Variants in PLEKHA7 observed in about 807,000 individuals in gnomAD.
The protein encoded by PLEKHA7 is pleckstrin homology domain containing A7.
Under a neutral mutation model 170.0 loss-of-function variants are expected in PLEKHA7, and 104 were observed. The observed-to-expected ratio is 0.61, with a 90% confidence interval of 0.52 to 0.72. PLEKHA7 has a LOEUF of 0.72. Ranked by LOEUF, PLEKHA7 falls within the 30% of genes least tolerant of loss-of-function variation. PLEKHA7 has a pLI of 0.00. For synonymous variants in PLEKHA7, 648 were observed against 660.8 expected (o/e 0.98, Z 0.30); for missense variants, 1,615 against 1,671.7 (o/e 0.97, Z 0.59).
rs1336353023 is a variant in PLEKHA7, at chr11:16,803,244, C to A, written c.2059G>T (p.Ala687Ser). The A allele has an allele frequency of 4.3e-6, 7 of 1,613,810 alleles. No individual in the cohort carries two copies. The highest frequency in any genetic ancestry group is 5.1e-6 in the Non-Finnish European group (6 of 1,179,836). ...KDRSLKPVKIAESDTDVKLSI... is the reference protein window; with the variant it reads ...KDRSLKPVKISESDTDVKLSI... ...TCACTCACGTCAGTGTCGCTCTCAG[C>A]GATCTTCACAGGCTTCAGACTTCGA... Residue 687 changes from alanine to serine, a missense_variant, in exon 14 of 27, where the codon GCT becomes TCT. Physicochemically the swap from Ala to Ser is moderately conservative, Grantham distance 99 (BLOSUM62 1). Transcript: ENST00000531066.
intron 3 of PLEKHA7, among the ~76,000 whole-genome samples, chr11:16,966,290 A>ATGTGTGTGTG (rs112176840): frequency 8.7e-5 from 13 of 149,026 alleles, no homozygotes; most frequent in African/African-American, 3.3e-4. Flanking sequence ...TTGTGCATGT[A>ATGTGTGTGTG]TGTGTGTGTG....
chr11:16,867,919 T>C lies in PLEKHA7; in HGVS notation c.305+3180A>G, dbSNP rs75872292. 7.5e-4 allele frequency among the ~76,000 whole-genome samples: 115 copies of C among 152,332 alleles called. 1 individual carries two copies. Among genetic ancestry groups the C allele is most frequent in the African/African-American group, 2.7e-3 (111 of 41,570 alleles). On this transcript the variant is annotated intron_variant, in intron 4 of 26. Transcript: ENST00000531066. ...TCAAGAAAGTCTTTCCCCTCTTTCATCCCTATCATAGTCAATCAATCACCA... is the reference window on the plus strand; with the variant it reads ...TCAAGAAAGTCTTTCCCCTCTTTCACCCCTATCATAGTCAATCAATCACCA...
chr11:16,975,529 T>C (rs549092028), intron 3 of PLEKHA7, among the ~76,000 whole-genome samples: 1 of 152,310 alleles, frequency 6.6e-6, no homozygotes, highest in Admixed American at 6.5e-5. Flanking sequence ...CCCATGGATA[T>C]GGAGGCCAAC....
At position 16,872,038 on chromosome 11, in the gene PLEKHA7, G is replaced by A. The variant is rs183817221; in HGVS notation, c.222-856C>T. Among the ~76,000 whole-genome samples, 55 of 147,206 alleles carry A rather than the reference G, an allele frequency of 3.7e-4. No homozygotes were observed. The East Asian group carries it at 0.011, about 28-fold the overall frequency. ...GGCTGGAGAGCGGTGGTGCAATCTC[G>A]GCTCACAGCAACTTCCGCCTCCTGG... is the stretch of plus-strand genomic sequence containing the variant. On this transcript the variant is annotated intron_variant, in intron 3 of 26. Coordinates refer to ENST00000531066, the MANE Select transcript of PLEKHA7 (RefSeq NM_001329630.2).
chr11:16,783,913 T>C, intron 24 of PLEKHA7, 80 bp from the exon 25 acceptor site: 1 of 1,282,036 alleles, frequency 7.8e-7, no homozygotes, highest in Non-Finnish European at 9.9e-7. Context: ...CTCTGTCCCC[T>C]CCCACCATGG....
chr11:16,997,482 C>CA (rs1377496459), intron 3 of PLEKHA7, among the ~76,000 whole-genome samples: 13 of 152,182 alleles, frequency 8.5e-5, no homozygotes, highest in Admixed American at 8.5e-4. Context: ...CAAAGACCGG[C>CA]AATCTGTCTC....
chr11:16,929,128 C>T (rs905232632), intron 3 of PLEKHA7, among the ~76,000 whole-genome samples: 1 of 152,086 alleles, frequency 6.6e-6, no homozygotes, highest in Non-Finnish European at 1.5e-5. Context: ...GAAACTATGC[C>T]TTGACTTTTA....
chr11:16,885,737 T>C (rs574427032), intron 3 of PLEKHA7, among the ~76,000 whole-genome samples: 1 of 151,852 alleles, frequency 6.6e-6, no homozygotes, highest in Admixed American at 6.6e-5. Context: ...CTCACATCTG[T>C]AATCCCAGCA....
At chr11:16,979,643 T>A (rs895646241) in intron 3 of PLEKHA7, among the ~76,000 whole-genome samples, 3 of 152,114 alleles carry the variant, frequency 2.0e-5, no homozygotes, top group Non-Finnish European at 4.4e-5. Flanking sequence ...CCATTTTTGT[T>A]GTTTTCAATG....
intron 3 of PLEKHA7, among the ~76,000 whole-genome samples, chr11:16,940,986 G>A (rs1424870535): frequency 1.3e-5 from 2 of 152,112 alleles, no homozygotes; most frequent in African/African-American, 4.8e-5. Context: ...CCACTCTCTG[G>A]ATAAACGATT....
At chr11:16,886,842 C>A (rs1856145467) in intron 3 of PLEKHA7, among the ~76,000 whole-genome samples, 1 of 151,770 alleles carries the variant, frequency 6.6e-6, no homozygotes, top group Non-Finnish European at 1.5e-5. Context: ...TGAGAGCCAA[C>A]TAGATGCCAA....
At chr11:16,811,949 C>T (rs1451254096) in intron 13 of PLEKHA7, among the ~76,000 whole-genome samples, 1 of 152,210 alleles carries the variant, frequency 6.6e-6, no homozygotes, top group Non-Finnish European at 1.5e-5. Flanking sequence ...CACCTCCTCC[C>T]AGAAGCCTCT....
chr11:16,893,968 G>A (rs1032827579), intron 3 of PLEKHA7, among the ~76,000 whole-genome samples: 1 of 152,214 alleles, frequency 6.6e-6, no homozygotes, highest in African/African-American at 2.4e-5. Context: ...ACTGAATCAG[G>A]TTAGGAAGCA....
At chr11:16,808,627 G>T (rs986810276) in intron 13 of PLEKHA7, among the ~76,000 whole-genome samples, 4 of 152,186 alleles carry the variant, frequency 2.6e-5, no homozygotes, top group African/African-American at 9.7e-5. Flanking sequence ...ATCCCTCACT[G>T]AAGACAAAAG....
chr11:16,897,318 T>C (rs1461199980), intron 3 of PLEKHA7, among the ~76,000 whole-genome samples: 2 of 152,128 alleles, frequency 1.3e-5, no homozygotes, highest in African/African-American at 2.4e-5. Flanking sequence ...CATCATCTTG[T>C]CTCCTTCAGA....
chr11:16,792,421 T>C (rs548977174), intron 19 of PLEKHA7, among the ~76,000 whole-genome samples: 10 of 151,894 alleles, frequency 6.6e-5, no homozygotes, highest in African/African-American at 2.4e-4. Flanking sequence ...CAACAATGTA[T>C]ATAAATCTCA....
intron 3 of PLEKHA7, among the ~76,000 whole-genome samples, chr11:16,875,064 C>G (rs1855170603): frequency 6.6e-6 from 1 of 152,190 alleles, no homozygotes; most frequent in Admixed American, 6.5e-5. Context: ...AAAGCCAACA[C>G]AAAATAGCTG....
chr11:17,014,320 TGAA>T lies in PLEKHA7; in HGVS notation c.79_81del (p.Phe27del), dbSNP rs759764962. Reference sequence around the variant, plus strand: ...CCCCGGGTCCTCGCGCCGCACTTGATGAAGAAGACGCGGCCATCCCGGCACACC... The same window carrying T: ...CCCCGGGTCCTCGCGCCGCACTTGATGAAGACGCGGCCATCCCGGCACACC... On this transcript the variant is annotated inframe_deletion, in exon 1 of 27. Transcript: ENST00000531066. 2 of 1,445,210 alleles carry T rather than the reference TGAA, an allele frequency of 1.4e-6. No individual in the cohort carries two copies. The highest frequency in any genetic ancestry group is 3.1e-5 in the East Asian group (1 of 31,978). 89.5% of individuals were successfully genotyped at this position (1,445,210 alleles called of 1,614,324 possible).
chr11:16,910,021 G>A (rs1407551671), intron 3 of PLEKHA7, among the ~76,000 whole-genome samples: 4 of 152,084 alleles, frequency 2.6e-5, no homozygotes, highest in African/African-American at 9.7e-5. Flanking sequence ...TGGGAGAGGG[G>A]AAGATTAACT....
Sources: allele counts gnomAD v4.1 joint callset (sites outside exome capture counted in the v4.1 genomes callset), GRCh38; gene constraint gnomAD v4.1.1; transcripts MANE v1.5; gene names NCBI Gene and HGNC (gene_info 2026-07-23, HGNC 2026-07-21).